The following LTV1 variants were observed in gnomAD, a reference collection of about 807,000 sequenced individuals.
The protein encoded by LTV1 is protein LTV1 homolog.
In LTV1, 39 loss-of-function variants were observed where a neutral mutation model predicts 59.9. The ratio of observed to expected loss-of-function variants is 0.65; its 90% confidence interval spans 0.50 to 0.85. The LOEUF (loss-of-function observed/expected upper bound fraction) is 0.85, where lower values mean the gene tolerates loss of function less well. Ranked by LOEUF, LTV1 falls within the 40% of genes least tolerant of loss-of-function variation. LTV1 has a pLI of 0.00. For synonymous variants in LTV1, 171 were observed against 189.5 expected, an observed-to-expected ratio of 0.90 and a Z score of 0.80; for missense variants, 493 against 549.1, an observed-to-expected ratio of 0.90 and a Z score of 1.02.
rs1197317605 is a variant in LTV1, at chr6:143,844,550, G to A, written c.68G>A (p.Arg23Gln). The A allele has an allele frequency of 6.2e-7, 1 of 1,613,916 alleles. No individual in the cohort carries two copies. Among genetic ancestry groups the A allele is most frequent in the African/African-American group, 1.3e-5 (1 of 74,872 alleles). ...GCTGTGTCTTTTCACTTGGTCCACC[G>A]GAGCCAACGAGATCCTTTAGCAGCA... is the stretch of plus-strand genomic sequence containing the variant. ...KKAVSFHLVHRSQRDPLAADE... is the reference protein window; with the variant it reads ...KKAVSFHLVHQSQRDPLAADE... The change falls in exon 2 of 11, where the codon CGG becomes CAG. Residue 23 changes from arginine to glutamine, a missense_variant. Coordinates refer to ENST00000367576, the MANE Select transcript of LTV1 (RefSeq NM_032860.5).
chr6:143,857,014 T>A lies in LTV1; in HGVS notation c.398-289T>A, dbSNP rs1021583027. ...GAGCCGGCAGGCAGGAACGTTTGAGTCTGCTGAAGCTGTGCCCACAGCCGC... is the reference window on the plus strand; with the variant it reads ...GAGCCGGCAGGCAGGAACGTTTGAGACTGCTGAAGCTGTGCCCACAGCCGC... On this transcript the variant is annotated intron_variant, in intron 4 of 10. Transcript: ENST00000367576. The surrounding 1 kb of genome is among the most constrained non-coding windows in gnomAD (Gnocchi z 5.2). Among the ~76,000 whole-genome samples, 2 of 152,156 alleles carry A rather than the reference T, an allele frequency of 1.3e-5. No homozygotes were observed. Among genetic ancestry groups the A allele is most frequent in the Non-Finnish European group, 2.9e-5 (2 of 68,034 alleles).
At position 143,850,164 on chromosome 6, in the gene LTV1, G is replaced by T. The variant is rs1776959234; in HGVS notation, c.343G>T (p.Ala115Ser). ...TGIKLPSSVFASEFEEDVGLL... is the reference protein window; with the variant it reads ...TGIKLPSSVFSSEFEEDVGLL... ...AATTAAGTTGCCTTCATCAGTGTTT[G>T]CTTCAGAGTTTGAGGAAGATGTTGG... is the stretch of plus-strand genomic sequence containing the variant. Residue 115 changes from alanine (A) to serine (S), a missense_variant, in exon 4 of 11, where the codon GCT becomes TCT. Transcript: ENST00000367576. The T allele has an allele frequency of 5.6e-6, 9 of 1,613,960 alleles. No individual in the cohort carries two copies. Among genetic ancestry groups the T allele is most frequent in the Non-Finnish European group, 5.9e-6 (7 of 1,179,920 alleles).
chr6:143,857,519 G>T lies in LTV1; in HGVS notation c.539+75G>T. On this transcript the variant is annotated intron_variant, in intron 5 of 10. Coordinates refer to ENST00000367576, the MANE Select transcript of LTV1 (RefSeq NM_032860.5). This position sits in a 1 kb window ranked among gnomAD's most constrained non-coding sequence, Gnocchi z 5.2. ...TTCAGTGGGATGGTAACCATAGAAC[G>T]TTACAGTTGGAAGAGACCTTCAAGA... The T allele has an allele frequency of 7.4e-7, 1 of 1,358,404 alleles. No homozygotes were observed. The highest frequency in any genetic ancestry group is 1.8e-4 in the Middle Eastern group (1 of 5,412). 84.1% of individuals were successfully genotyped at this position (1,358,404 alleles called of 1,614,324 possible).
At chr6:143,859,317 G>A (rs1225319474) in intron 6 of LTV1, among the ~76,000 whole-genome samples, 2 of 152,132 alleles carry the variant, frequency 1.3e-5, no homozygotes, top group Non-Finnish European at 2.9e-5. Flanking sequence ...CTATCCTGTT[G>A]TTTGTTCTGT....
chr6:143,856,449 C>T (rs753982035), intron 4 of LTV1, among the ~76,000 whole-genome samples: 24 of 152,178 alleles, frequency 1.6e-4, no homozygotes, highest in Non-Finnish European at 2.9e-4. Flanking sequence ...ATTCATCAAA[C>T]GCATTCTCCG....
chr6:143,858,290 A>G, intron 6 of LTV1: 1 of 315,948 alleles, frequency 3.2e-6, no homozygotes, highest in South Asian at 4.8e-5. Flanking sequence ...CGCTTACACC[A>G]GGAGGTGGCT....
At position 143,857,870 on chromosome 6, in the gene LTV1, G is replaced by A. The variant is rs143797230; in HGVS notation, c.658G>A (p.Gly220Arg). The change falls in exon 6 of 11, where the codon GGA becomes AGA. Residue 220 changes from glycine to arginine, a missense_variant. Gly to Arg is a moderately radical substitution (Grantham distance 125). Transcript: ENST00000367576. The surrounding 1 kb of genome is among the most constrained non-coding windows in gnomAD (Gnocchi z 5.2). Reference protein sequence around the residue: ...LSDEDCMSVPGKTHRAIADHL... With the variant: ...LSDEDCMSVPRKTHRAIADHL... ...AGATGAAGACTGTATGTCTGTGCCC[G>A]GAAAAACTCACAGAGCTATAGCAGA... 2.3e-5 allele frequency: 37 copies of A among 1,614,038 alleles called. No individual in the cohort carries two copies. Among genetic ancestry groups the A allele is most frequent in the Middle Eastern group, 1.6e-4 (1 of 6,062 alleles).
At position 143,857,309 on chromosome 6, in the gene LTV1, G is replaced by A. The variant is rs765002958; in HGVS notation, c.404G>A (p.Arg135Gln). The A allele has an allele frequency of 2.7e-5, 43 of 1,613,462 alleles. No individual in the cohort carries two copies. Among genetic ancestry groups the A allele is most frequent in the South Asian group, 2.3e-4 (21 of 91,026 alleles). Residue 135 changes from arginine to glutamine, a missense_variant, in exon 5 of 11, where the codon CGA (arginine) becomes CAA (glutamine). Arg to Gln is a conservative substitution (Grantham distance 43, BLOSUM62 1). Transcript: ENST00000367576. The surrounding 1 kb of genome is among the most constrained non-coding windows in gnomAD (Gnocchi z 5.2). ...LNKAAPVSGPRLDFDPDIVAA... is the reference protein window; with the variant it reads ...LNKAAPVSGPQLDFDPDIVAA... ...ATTTTTGTTTTCCTTCTAGGACCTC[G>A]ACTGGATTTTGATCCTGACATTGTT...
At position 143,857,836 on chromosome 6, in the gene LTV1, C is replaced by T. The variant is rs766628433; in HGVS notation, c.624C>T (p.Gly208=). The change falls in exon 6 of 11, where the codon GGC becomes GGT. Residue 208 remains glycine (G), a synonymous_variant. Transcript: ENST00000367576. This position sits in a 1 kb window ranked among gnomAD's most constrained non-coding sequence, Gnocchi z 5.2. ...GDSNDDYDSA[G]LLSDEDCMSV... is the part of the protein sequence containing the mutation. The stretch of plus-strand genomic sequence containing the variant: ...GCAATGATGACTATGACTCTGCAGG[C>T]CTATTGTCAGATGAAGACTGTATGT... 6.2e-7 allele frequency: 1 copy of T among 1,613,960 alleles called. No individual in the cohort carries two copies. Among genetic ancestry groups the T allele is most frequent in the Admixed American group, 1.7e-5 (1 of 60,016 alleles).
At chr6:143,847,553 G>T (rs1051930407) in intron 3 of LTV1, among the ~76,000 whole-genome samples, 6 of 152,190 alleles carry the variant, frequency 3.9e-5, no homozygotes, top group African/African-American at 1.4e-4. Flanking sequence ...TAGAGCCGGG[G>T]TTTCTCCGTG....
rs930590156 is a variant in LTV1, at chr6:143,855,759, T to G, written c.398-1544T>G. 6.6e-6 allele frequency among the ~76,000 whole-genome samples: 1 copy of G among 152,238 alleles called. No individual in the cohort carries two copies. The highest frequency in any genetic ancestry group is 1.5e-5 in the Non-Finnish European group (1 of 68,040). ...TGAAAATTCTTTACTTTAAGGATGT[T>G]GAGTATTGGCCCCCACTTTCTTCTG... On this transcript the variant is annotated intron_variant, in intron 4 of 10. Coordinates refer to ENST00000367576, the MANE Select transcript of LTV1 (RefSeq NM_032860.5). The surrounding 1 kb of genome is among the most constrained non-coding windows in gnomAD (Gnocchi z 4.6).
At position 143,857,269 on chromosome 6, in the gene LTV1, G is replaced by T; in HGVS notation, c.398-34G>T. ...TAAGTGAATGAATTGTTGCTATCTT[G>T]GGAATTACTGCTTAATTTTTGTTTT... On this transcript the variant is annotated intron_variant, in intron 4 of 10. Coordinates refer to ENST00000367576, the MANE Select transcript of LTV1 (RefSeq NM_032860.5). This position sits in a 1 kb window ranked among gnomAD's most constrained non-coding sequence, Gnocchi z 5.2. 1 of 1,610,374 alleles carries T rather than the reference G, an allele frequency of 6.2e-7. No individual in the cohort carries two copies. The highest frequency in any genetic ancestry group is 1.1e-5 in the South Asian group (1 of 90,742).
At chr6:143,859,747 A>G (rs908119768) in intron 6 of LTV1, among the ~76,000 whole-genome samples, 1 of 152,234 alleles carries the variant, frequency 6.6e-6, no homozygotes, top group Non-Finnish European at 1.5e-5. Flanking sequence ...AAGAACAAAT[A>G]TATACATTAG....
In LTV1 at chr6:143,863,458, A is replaced by G. The variant is rs1582945142; in HGVS notation, c.1359A>G (p.Lys453=). The G allele has an allele frequency of 6.2e-7, 1 of 1,613,912 alleles. No individual in the cohort carries two copies. The highest frequency in any genetic ancestry group is 2.2e-5 in the East Asian group (1 of 44,830). ...AGAAAGCTAACAAATTAGCATTTAA[A>G]CTGGAGAAAAGAAGGCAAGAAAAAG... ...VEKKANKLAF[K]LEKRRQEKEL... Residue 453 remains lysine, a synonymous_variant, in exon 11 of 11, where the codon AAA becomes AAG. Transcript: ENST00000367576. This position sits in a 1 kb window ranked among gnomAD's most constrained non-coding sequence, Gnocchi z 4.5.
rs774897935 is a variant in LTV1 at position 143,863,523 on chromosome 6, T to C, written c.1424T>C (p.Leu475Pro). Residue 475 changes from leucine to proline, a missense_variant, in exon 11 of 11, where the codon CTA becomes CCA. Coordinates refer to ENST00000367576, the MANE Select transcript of LTV1 (RefSeq NM_032860.5). This position sits in a 1 kb window ranked among gnomAD's most constrained non-coding sequence, Gnocchi z 4.5. ...AAGAAGAATGTTGAGGGTCTAAAGC[T>C]ATAGACAGTGGAGCATACAGGGCAA... ...NLKKNVEGLK[L>P] 6.2e-7 allele frequency: 1 copy of C among 1,610,276 alleles called. No individual in the cohort carries two copies. Among genetic ancestry groups the C allele is most frequent in the South Asian group, 1.1e-5 (1 of 90,950 alleles).
intron 3 of LTV1, 87 bp from the exon 4 acceptor site, chr6:143,850,044 C>T (rs1218137523): frequency 1.3e-5 from 12 of 951,898 alleles, no homozygotes; most frequent in Admixed American, 1.9e-5. Context: ...TCTGGATGGA[C>T]ATTGATTTGG....
At chr6:143,856,667 G>T (rs559670645) in intron 4 of LTV1, among the ~76,000 whole-genome samples, 1 of 152,134 alleles carries the variant, frequency 6.6e-6, no homozygotes, top group South Asian at 2.1e-4. Context: ...TTTCTGTTAG[G>T]TTTATTTCTA....
At chr6:143,848,204 A>G (rs1187180981) in intron 3 of LTV1, among the ~76,000 whole-genome samples, 3 of 152,196 alleles carry the variant, frequency 2.0e-5, no homozygotes, top group Non-Finnish European at 4.4e-5. Flanking sequence ...TTTAACCCCA[A>G]ACTTCTAAGG....
intron 4 of LTV1, among the ~76,000 whole-genome samples, chr6:143,853,625 T>A (rs1777023609): frequency 6.6e-6 from 1 of 152,056 alleles, no homozygotes; most frequent in Non-Finnish European, 1.5e-5. Flanking sequence ...TAGCTCTTAT[T>A]ATTTTGAGAT....
Sources: gnomAD v4.1 joint callset for allele counts (sites outside exome capture counted in the v4.1 genomes callset) on GRCh38, gnomAD v4.1.1 for gene constraint, Gnocchi (gnomAD v3.1) non-coding constraint, MANE v1.5 for transcripts, NCBI Gene and HGNC (gene_info 2026-07-23, HGNC 2026-07-21) for gene names.